The following NCAPD2 variants were observed in gnomAD, a reference collection of about 807,000 sequenced individuals.
The protein encoded by NCAPD2 is non-SMC condensin I complex subunit D2.
In NCAPD2, 100 loss-of-function variants were observed where a neutral mutation model predicts 164.5. The ratio of observed to expected loss-of-function variants is 0.61; its 90% CI spans 0.52 to 0.72. The LOEUF (loss-of-function observed/expected upper bound fraction) is 0.72, where lower values mean the gene tolerates loss of function less well. Ranked by LOEUF, NCAPD2 falls within the 30% of genes least tolerant of loss-of-function variation. The pLI, the probability that NCAPD2 is intolerant of heterozygous loss-of-function variation, is 0.00. For missense variants in NCAPD2, 1,560 were observed against 1,749.2 expected (o/e 0.89, Z 1.93); for synonymous variants, 585 against 642.6 (o/e 0.91, Z 1.36).
intron 2 of NCAPD2, among the ~76,000 whole-genome samples, chr12:6,497,381 A>G (rs1316308367): frequency 6.6e-6 from 1 of 151,188 alleles, no homozygotes; most frequent in Non-Finnish European, 1.5e-5. Flanking sequence ...GGTTTGCTGC[A>G]CCTATCAACC....
chr12:6,528,067 C>T lies in NCAPD2; in HGVS notation c.3119C>T (p.Ala1040Val), dbSNP rs757270086. ...NPDLSAAASL[A>V]LGKFCMISAT... is the part of the protein sequence containing the mutation. Reference sequence around the variant, plus strand: ...GACCTCTCTGCAGCTGCTTCACTTGCCCTTGGCAAGTTCTGCATGATCAGG... The same window carrying T: ...GACCTCTCTGCAGCTGCTTCACTTGTCCTTGGCAAGTTCTGCATGATCAGG... The change falls in exon 24 of 32, where the codon GCC becomes GTC. Residue 1040 changes from alanine to valine, a missense_variant. Ala to Val is a moderately conservative substitution (Grantham distance 64). Transcript: ENST00000315579. This position sits in a 1 kb window ranked among gnomAD's most constrained non-coding sequence, Gnocchi z 5.1. 4 of 1,614,226 alleles carry T rather than the reference C, an allele frequency of 2.5e-6. No homozygotes were observed. The highest frequency in any genetic ancestry group is 4.5e-5 in the East Asian group (2 of 44,890).
chr12:6,522,594 GA>G (rs1185668161), intron 15 of NCAPD2, among the ~76,000 whole-genome samples: 19 of 139,140 alleles, frequency 1.4e-4, no homozygotes, highest in Admixed American at 4.3e-4. Context: ...CTTAAGAAAA[GA>G]AAAAAAAAAG....
intron 17 of NCAPD2, among the ~76,000 whole-genome samples, 177 bp downstream of exon 17, chr12:6,523,523 G>A (rs375484106): frequency 2.0e-5 from 3 of 146,596 alleles, no homozygotes; most frequent in South Asian, 2.2e-4. Flanking sequence ...TCAGCCTCCC[G>A]AGTAACTGGA....
intron 2 of NCAPD2, among the ~76,000 whole-genome samples, chr12:6,497,649 T>TC (rs56109445): frequency 0.99 from 150,728 of 152,216 alleles, 74,642 homozygotes; most frequent in East Asian, 1. Context: ...AGACTGAGTC[T>TC]CCTTCTGTCA....
intron 2 of NCAPD2, among the ~76,000 whole-genome samples, chr12:6,501,605 A>T (rs1565538803): frequency 6.6e-6 from 1 of 152,166 alleles, no homozygotes. Flanking sequence ...AGTTCAAGGG[A>T]GAGGTTGTCA....
intron 16 of NCAPD2, 28 bp from the exon 17 acceptor site, chr12:6,523,234 T>A (rs981686088): frequency 1.9e-6 from 3 of 1,602,472 alleles, no homozygotes; most frequent in Non-Finnish European, 2.6e-6. Context: ...AATCTTATAG[T>A]GACCGCTGAT....
intron 28 of NCAPD2, 29 bp from the exon 29 acceptor site, chr12:6,529,746 G>T (rs1946353912): frequency 6.2e-7 from 1 of 1,604,628 alleles, no homozygotes; most frequent in Non-Finnish European, 8.5e-7. Flanking sequence ...GGATCTCCCA[G>T]TTCCTCACAA....
chr12:6,521,807 C>A lies in NCAPD2; in HGVS notation c.1724C>A (p.Ala575Asp), dbSNP rs779392155. Residue 575 changes from alanine (A) to aspartate (D), a missense_variant, in exon 15 of 32, where the codon GCT becomes GAT. Coordinates refer to ENST00000315579, the MANE Select transcript of NCAPD2 (RefSeq NM_014865.4). ...TTCTCTAACTCCTTAGGCCCAGCAGCTTCCACACAAGAAAAGAATCCCCGG... is the reference window on the plus strand; with the variant it reads ...TTCTCTAACTCCTTAGGCCCAGCAGATTCCACACAAGAAAAGAATCCCCGG... Reference protein sequence around the residue: ...ILGLIFKGPAASTQEKNPRES... With the variant: ...ILGLIFKGPADSTQEKNPRES... 6.2e-7 allele frequency: 1 copy of A among 1,614,000 alleles called. No individual in the cohort carries two copies. The highest frequency in any genetic ancestry group is 8.5e-7 in the Non-Finnish European group (1 of 1,179,904).
chr12:6,520,010 A>G (rs757669389), intron 13 of NCAPD2, among the ~76,000 whole-genome samples: 20 of 151,996 alleles, frequency 1.3e-4, no homozygotes, highest in Non-Finnish European at 1.9e-4. Flanking sequence ...GGCGAAACCC[A>G]TCTCTGCTAA....
At chr12:6,502,518 T>C (rs978572077) in intron 2 of NCAPD2, among the ~76,000 whole-genome samples, 1 of 152,212 alleles carries the variant, frequency 6.6e-6, no homozygotes, top group African/African-American at 2.4e-5. Flanking sequence ...CATTTTTATT[T>C]GTGTGGTCAC....
intron 2 of NCAPD2, among the ~76,000 whole-genome samples, chr12:6,500,537 C>T (rs187133793): frequency 6.6e-6 from 1 of 152,198 alleles, no homozygotes; most frequent in African/African-American, 2.4e-5. Context: ...GAATCTTGCT[C>T]CTCAAAATGT....
Position 6,517,619 on chromosome 12 carries a change from A to G in NCAPD2, c.1344A>G (p.Gly448=), listed in dbSNP as rs1422052338. The change falls in exon 12 of 32, where the codon GGA becomes GGG. Residue 448 remains glycine (G), a synonymous_variant. Transcript: ENST00000315579. ...SCKLSDADLA[G]PLQKETQKLQ... ...AGCTTAGTGATGCTGACCTTGCCGG[A>G]CCACTGCAGAAGGAGACCCAGAAAT... 6.2e-7 allele frequency: 1 copy of G among 1,614,114 alleles called. No homozygotes were observed. The highest frequency in any genetic ancestry group is 8.5e-7 in the Non-Finnish European group (1 of 1,180,052).
Position 6,529,567 on chromosome 12 carries a change from G to A in NCAPD2, c.3627G>A (p.Lys1209=). 1 of 1,614,204 alleles carries A rather than the reference G, an allele frequency of 6.2e-7. No homozygotes were observed. Among genetic ancestry groups the A allele is most frequent in the Non-Finnish European group, 8.5e-7 (1 of 1,180,026 alleles). The part of the protein sequence containing the change: ...KDKQTESLVE[K]LCQRFRTSRT... ...AGCAGACAGAGAGCCTGGTGGAAAA[G>A]CTGTGTCAGCGGTTCCGCACATCCC... Residue 1209 remains lysine, a synonymous_variant, in exon 28 of 32, where the codon AAG becomes AAA. Coordinates refer to ENST00000315579, the MANE Select transcript of NCAPD2 (RefSeq NM_014865.4).
At chr12:6,504,791 T>C (rs1946083662) in intron 2 of NCAPD2, among the ~76,000 whole-genome samples, 1 of 152,190 alleles carries the variant, frequency 6.6e-6, no homozygotes, top group African/African-American at 2.4e-5. Flanking sequence ...AAATACATGT[T>C]CAGTATTGTG....
intron 2 of NCAPD2, 111 bp from the exon 3 acceptor site, chr12:6,509,606 T>C (rs1449203662): frequency 6.9e-6 from 7 of 1,019,742 alleles, no homozygotes; most frequent in Non-Finnish European, 3.0e-6. Flanking sequence ...GTTTGTCTCT[T>C]TTTTGTGATT....
intron 6 of NCAPD2, among the ~76,000 whole-genome samples, chr12:6,513,270 A>G (rs141171693): frequency 1.2e-4 from 19 of 152,222 alleles, no homozygotes; most frequent in African/African-American, 4.3e-4. Context: ...TGCCGGGTGC[A>G]TGGCTCACGC....
intron 30 of NCAPD2, 46 bp downstream of exon 30, chr12:6,530,863 C>T (rs1283823129): frequency 1.9e-6 from 3 of 1,613,654 alleles, no homozygotes; most frequent in Non-Finnish European, 2.5e-6. Flanking sequence ...GGGCCCTCCC[C>T]TCCTGCAGTG....
At chr12:6,502,630 T>C (rs1946048641) in intron 2 of NCAPD2, among the ~76,000 whole-genome samples, 1 of 152,006 alleles carries the variant, frequency 6.6e-6, no homozygotes, top group African/African-American at 2.4e-5. Context: ...TATCACAGTA[T>C]CTAACAATAG....
chr12:6,507,743 G>T (rs549563171), intron 2 of NCAPD2, among the ~76,000 whole-genome samples: 1 of 152,252 alleles, frequency 6.6e-6, no homozygotes, highest in Non-Finnish European at 1.5e-5. Flanking sequence ...TAGTAATAAA[G>T]GAAAGCTAGT....
Sources: allele counts gnomAD v4.1 joint callset (sites outside exome capture counted in the v4.1 genomes callset), GRCh38; gene constraint gnomAD v4.1.1; non-coding constraint Gnocchi (gnomAD v3.1); transcripts MANE v1.5; gene names NCBI Gene and HGNC (gene_info 2026-07-23, HGNC 2026-07-21).